The following CACNA2D3 variants were observed in gnomAD, a reference collection of about 807,000 sequenced individuals.
CACNA2D3 encodes voltage-dependent calcium channel subunit alpha-2/delta-3.
A neutral mutation model predicts 160.6 loss-of-function variants in CACNA2D3; 60 were observed. That is an observed-to-expected ratio of 0.37 (90% CI 0.30 to 0.46). The LOEUF (loss-of-function observed/expected upper bound fraction) is 0.46. CACNA2D3 is among the 20% of genes least tolerant of loss of function. CACNA2D3 has a pLI of 1.00. For missense variants in CACNA2D3, 1,205 were observed against 1,365.0 expected, an observed-to-expected ratio of 0.88 and a Z score of 1.85; for synonymous variants, 558 against 492.9, an observed-to-expected ratio of 1.13 and a Z score of -1.75.
intron 4 of CACNA2D3, among the ~76,000 whole-genome samples, chr3:54,470,478 A>G (rs955706373): frequency 2.0e-5 from 3 of 152,190 alleles, no homozygotes; most frequent in Non-Finnish European, 4.4e-5. Flanking sequence ...CACTGGAAAA[A>G]CATACCCAGT....
intron 2 of CACNA2D3, among the ~76,000 whole-genome samples, chr3:54,267,998 T>G (rs1017481515): frequency 6.6e-6 from 1 of 152,184 alleles, no homozygotes; most frequent in African/African-American, 2.4e-5. Context: ...TGAGTTAGAA[T>G]TGATGAAAAA....
chr3:54,230,969 C>T (rs1310594909), intron 2 of CACNA2D3, among the ~76,000 whole-genome samples: 2 of 152,146 alleles, frequency 1.3e-5, no homozygotes, highest in Non-Finnish European at 2.9e-5. Flanking sequence ...CCCTGGTAAA[C>T]ATGATAGATG....
At chr3:54,577,935 C>T (rs114778015) in intron 8 of CACNA2D3, among the ~76,000 whole-genome samples, 7,833 of 152,262 alleles carry the variant, frequency 0.051, 287 homozygotes, top group Non-Finnish European at 0.072. Flanking sequence ...CCAACAGCAT[C>T]CGAGTCCCCG....
intron 2 of CACNA2D3, among the ~76,000 whole-genome samples, chr3:54,136,216 A>C (rs59366799): frequency 6.6e-6 from 1 of 152,334 alleles, no homozygotes; most frequent in African/African-American, 2.4e-5. Context: ...ATCAGGGAAC[A>C]GTCCCCTTAT....
intron 5 of CACNA2D3, among the ~76,000 whole-genome samples, chr3:54,525,282 T>A (rs543854570): frequency 6.6e-6 from 1 of 152,144 alleles, no homozygotes; most frequent in African/African-American, 2.4e-5. Flanking sequence ...ATATATTACC[T>A]CTCTATATGT....
Position 54,199,800 on chromosome 3 carries a change from A to G in CACNA2D3, c.204+76206A>G, listed in dbSNP as rs546687164. 6.6e-5 allele frequency among the ~76,000 whole-genome samples: 10 copies of G among 152,354 alleles called. No individual in the cohort carries two copies. In the East Asian group the frequency reaches 1.9e-3, roughly 29 times the overall value. ...TTATGGCAAATTATGTTGGTATTCCATGTATGATATTAACACTAGGTAAAG... is the reference window on the plus strand; with the variant it reads ...TTATGGCAAATTATGTTGGTATTCCGTGTATGATATTAACACTAGGTAAAG... On this transcript the variant is annotated intron_variant, in intron 2 of 37. Transcript: ENST00000474759.
intron 9 of CACNA2D3, among the ~76,000 whole-genome samples, chr3:54,615,488 C>A (rs992963645): frequency 2.0e-5 from 3 of 152,160 alleles, no homozygotes; most frequent in African/African-American, 7.2e-5. Context: ...TTCAACAAAA[C>A]TTGTGAGAAA....
intron 11 of CACNA2D3, among the ~76,000 whole-genome samples, chr3:54,726,243 C>T (rs531598210): frequency 1.5e-4 from 23 of 152,078 alleles, no homozygotes; most frequent in South Asian, 4.2e-4. Context: ...TAAAAACCAG[C>T]GCTCAAGGAA....
At chr3:54,154,143 T>G (rs1700199048) in intron 2 of CACNA2D3, among the ~76,000 whole-genome samples, 1 of 152,214 alleles carries the variant, frequency 6.6e-6, no homozygotes, top group South Asian at 2.1e-4. Context: ...TTAACGCTCT[T>G]TTACATCCAG....
In CACNA2D3 at chr3:54,763,748, CAT is replaced by C. The variant is rs1372464477; in HGVS notation, c.1247-462_1247-461del. On this transcript the variant is annotated intron_variant, in intron 12 of 37. Coordinates refer to ENST00000474759, the MANE Select transcript of CACNA2D3 (RefSeq NM_018398.3). ...ATACATATATATGTGTATATATGTG[CAT>C]ATATATACACATATATATGTATATA... is the stretch of plus-strand genomic sequence containing the variant. Among the ~76,000 whole-genome samples, 26 of 58,650 alleles carry C rather than the reference CAT, an allele frequency of 4.4e-4. 1 individual carries two copies. The highest frequency in any genetic ancestry group is 9.4e-4 in the African/African-American group (19 of 20,108). The allele number at this position is 58,650 out of a possible 152,430, so 38.5% of individuals were successfully genotyped here.
chr3:54,230,407 A>G (rs1293015630), intron 2 of CACNA2D3, among the ~76,000 whole-genome samples: 2 of 152,256 alleles, frequency 1.3e-5, no homozygotes, highest in Non-Finnish European at 2.9e-5. Context: ...AGAATTATGT[A>G]AGGTAATACA....
chr3:54,788,781 G>A (rs1435459338), intron 13 of CACNA2D3, among the ~76,000 whole-genome samples: 1 of 152,180 alleles, frequency 6.6e-6, no homozygotes, highest in Non-Finnish European at 1.5e-5. Context: ...CAAAGTTAAA[G>A]TGCTGATACT....
At chr3:54,320,902 T>C (rs1703973996) in intron 3 of CACNA2D3, among the ~76,000 whole-genome samples, 1 of 152,228 alleles carries the variant, frequency 6.6e-6, no homozygotes, top group South Asian at 2.1e-4. Context: ...TAAGCTCTAG[T>C]CTGAGCATTT....
chr3:54,457,004 G>T (rs993442594), intron 4 of CACNA2D3, among the ~76,000 whole-genome samples: 6 of 150,948 alleles, frequency 4.0e-5, no homozygotes, highest in African/African-American at 7.3e-5. Flanking sequence ...TCTACCTAAT[G>T]GTTTATTAAT....
intron 11 of CACNA2D3, among the ~76,000 whole-genome samples, chr3:54,737,898 TCAGGTGATCCAC>T (rs1701565234): frequency 6.6e-6 from 1 of 152,158 alleles, no homozygotes; most frequent in African/African-American, 2.4e-5. Flanking sequence ...ACTCCTGACC[TCAGGTGATCCAC>T]CTGTCTCGGC....
chr3:55,071,696 G>A (rs1180468149), intron 35 of CACNA2D3, among the ~76,000 whole-genome samples: 1 of 152,120 alleles, frequency 6.6e-6, no homozygotes, highest in Non-Finnish European at 1.5e-5. Flanking sequence ...TTTTACTCAT[G>A]TTTCAGTGGG....
chr3:54,769,702 G>A (rs183703762), intron 13 of CACNA2D3, among the ~76,000 whole-genome samples: 1 of 152,212 alleles, frequency 6.6e-6, no homozygotes, highest in African/African-American at 2.4e-5. Context: ...TTATTTCCTG[G>A]GCTGAAGGAA....
chr3:54,286,042 G>T (rs1023604086), intron 2 of CACNA2D3, among the ~76,000 whole-genome samples: 2 of 152,226 alleles, frequency 1.3e-5, no homozygotes, highest in Non-Finnish European at 2.9e-5. Context: ...CCAAAGGAAT[G>T]CAGCTCCTCA....
At position 54,508,867 on chromosome 3, in the gene CACNA2D3, C is replaced by A. The variant is rs143751265; in HGVS notation, c.544+5213C>A. Among the ~76,000 whole-genome samples the A allele has an allele frequency of 5.8e-3, 891 of 152,336 alleles. 9 individuals carry two copies. Among genetic ancestry groups the A allele is most frequent in the African/African-American group, 0.019 (795 of 41,588 alleles). Reference sequence around the variant, plus strand: ...GGAAAGGGAAGACCTGTAACCACCACTGCAGAGCATGAGAAATCAGTCTGT... The same window carrying A: ...GGAAAGGGAAGACCTGTAACCACCAATGCAGAGCATGAGAAATCAGTCTGT... On this transcript the variant is annotated intron_variant, in intron 5 of 37. Coordinates refer to ENST00000474759, the MANE Select transcript of CACNA2D3 (RefSeq NM_018398.3).
Sources: gnomAD v4.1 joint callset for allele counts (sites outside exome capture counted in the v4.1 genomes callset) on GRCh38, gnomAD v4.1.1 for gene constraint, MANE v1.5 for transcripts, NCBI Gene and HGNC (gene_info 2026-07-23, HGNC 2026-07-21) for gene names.